Variants in STXBP5L observed in about 807,000 individuals in gnomAD.
STXBP5L encodes the protein syntaxin-binding protein 5-like.
A neutral mutation model predicts 144.5 loss-of-function variants in STXBP5L; 65 were observed. The observed-to-expected ratio is 0.45, with a 90% confidence interval of 0.37 to 0.55. The LOEUF (loss-of-function observed/expected upper bound fraction) is 0.55, where lower values mean the gene tolerates loss of function less well. Among genes scored for constraint, STXBP5L ranks in the 20% least tolerant of loss-of-function variants. The probability of loss-of-function intolerance (pLI) is 0.00; values close to 1 mark genes in which losing one functional copy is unlikely to be tolerated. For synonymous variants in STXBP5L, 505 were observed against 469.6 expected (o/e 1.08, Z -0.97); for missense variants, 1,298 against 1,405.5 (o/e 0.92, Z 1.22).
intron 3 of STXBP5L, among the ~76,000 whole-genome samples, chr3:121,040,901 A>C (rs910878867): frequency 6.6e-6 from 1 of 152,122 alleles, no homozygotes; most frequent in Non-Finnish European, 1.5e-5. Context: ...TATGTGGTGA[A>C]TAAATCTGGC....
At chr3:121,026,045 T>C (rs911003449) in intron 3 of STXBP5L, among the ~76,000 whole-genome samples, 3 of 147,344 alleles carry the variant, frequency 2.0e-5, no homozygotes, top group South Asian at 4.2e-4. Flanking sequence ...TATATATAAT[T>C]ATAATTAAAT....
Position 121,306,553 on chromosome 3 carries a change from C to T in STXBP5L, c.2111-11922C>T, listed in dbSNP as rs553545474. Among the ~76,000 whole-genome samples, 209 of 152,244 alleles carry T rather than the reference C, an allele frequency of 1.4e-3. 3 individuals are homozygous for T. The highest frequency in any genetic ancestry group is 0.011 in the Admixed American group (175 of 15,290). On this transcript the variant is annotated intron_variant, in intron 19 of 26. Transcript: ENST00000471454. ...AAAGGTTTTGCCCAGGAAAGAAATG[C>T]GGTCTACGTGAATAGAGAGCTTCAA...
At chr3:121,005,999 G>A (rs1037557867) in intron 3 of STXBP5L, among the ~76,000 whole-genome samples, 3 of 152,154 alleles carry the variant, frequency 2.0e-5, no homozygotes, top group South Asian at 2.1e-4. Flanking sequence ...GAATAGGTAT[G>A]GTGTGGTGCT....
chr3:121,361,025 T>C (rs2045697595), intron 20 of STXBP5L, among the ~76,000 whole-genome samples: 1 of 152,168 alleles, frequency 6.6e-6, no homozygotes, highest in African/African-American at 2.4e-5. Context: ...AAAGTCTTTA[T>C]TAGTTCCGCA....
At chr3:121,237,480 G>GAT (rs1337792107) in intron 12 of STXBP5L, among the ~76,000 whole-genome samples, 1 of 152,178 alleles carries the variant, frequency 6.6e-6, no homozygotes, top group African/African-American at 2.4e-5. Context: ...TGGCCTCAAA[G>GAT]ATTTCTGAAA....
intron 13 of STXBP5L, among the ~76,000 whole-genome samples, chr3:121,240,062 G>C (rs1312331168): frequency 6.6e-6 from 1 of 151,896 alleles, no homozygotes; most frequent in African/African-American, 2.4e-5. Flanking sequence ...TATTCTCCCA[G>C]GGCTCTTGGG....
At chr3:121,365,381 A>C (rs2045834169) in intron 20 of STXBP5L, among the ~76,000 whole-genome samples, 1 of 149,520 alleles carries the variant, frequency 6.7e-6, no homozygotes, top group Non-Finnish European at 1.5e-5. Context: ...TGAAGCCAAC[A>C]GGTTCAGGGC....
intron 20 of STXBP5L, chr3:121,324,432 A>C (rs772947824): frequency 1.1e-5 from 7 of 616,840 alleles, no homozygotes; most frequent in Non-Finnish European, 2.0e-5. Context: ...AAAGATAAAA[A>C]TTATTGGTTC....
chr3:120,940,085 T>G (rs899766772), intron 2 of STXBP5L, among the ~76,000 whole-genome samples: 3 of 152,176 alleles, frequency 2.0e-5, no homozygotes, highest in African/African-American at 7.2e-5. Flanking sequence ...AATTATTTTC[T>G]ATGACTGCTA....
chr3:120,980,240 T>A (rs768643554), intron 3 of STXBP5L, among the ~76,000 whole-genome samples: 19 of 152,184 alleles, frequency 1.2e-4, no homozygotes, highest in Non-Finnish European at 2.1e-4. Flanking sequence ...TTCTATTTAG[T>A]CTAGAGACCA....
chr3:121,128,789 T>A (rs2044836621), intron 7 of STXBP5L, among the ~76,000 whole-genome samples: 1 of 152,052 alleles, frequency 6.6e-6, no homozygotes, highest in South Asian at 2.1e-4. Flanking sequence ...GTAGTTTAAT[T>A]TTTGACAGTC....
intron 12 of STXBP5L, among the ~76,000 whole-genome samples, chr3:121,237,503 A>G (rs1235134362): frequency 6.6e-6 from 1 of 152,126 alleles, no homozygotes; most frequent in African/African-American, 2.4e-5. Context: ...CCTTTTGTCC[A>G]TTGTCTTGAC....
chr3:121,352,666 C>A (rs945135046), intron 20 of STXBP5L, among the ~76,000 whole-genome samples: 6 of 151,886 alleles, frequency 4.0e-5, no homozygotes, highest in Admixed American at 3.9e-4. Context: ...AATTGAATAC[C>A]CTTTATTTCT....
intron 3 of STXBP5L, among the ~76,000 whole-genome samples, chr3:121,038,855 G>A (rs553581526): frequency 3.3e-5 from 5 of 151,144 alleles, no homozygotes; most frequent in African/African-American, 1.2e-4. Context: ...CTTTAACCCC[G>A]GTAATGTTCT....
At chr3:120,951,866 T>C (rs1392969397) in intron 2 of STXBP5L, among the ~76,000 whole-genome samples, 2 of 152,052 alleles carry the variant, frequency 1.3e-5, no homozygotes, top group East Asian at 3.9e-4. Flanking sequence ...GTATGTTTAT[T>C]GCGGCACTAT....
At chr3:120,952,181 G>A (rs1711298607) in intron 2 of STXBP5L, among the ~76,000 whole-genome samples, 1 of 151,646 alleles carries the variant, frequency 6.6e-6, no homozygotes, top group South Asian at 2.1e-4. Context: ...GGGAGGGATA[G>A]CATTGGGAGA....
chr3:121,127,035 C>G (rs1433507651), intron 7 of STXBP5L, among the ~76,000 whole-genome samples: 1 of 151,936 alleles, frequency 6.6e-6, no homozygotes, highest in East Asian at 1.9e-4. Context: ...TTGACAGATT[C>G]CAAAGATTAG....
chr3:121,104,753 G>T (rs1001304947), intron 5 of STXBP5L, among the ~76,000 whole-genome samples: 1 of 152,104 alleles, frequency 6.6e-6, no homozygotes, highest in South Asian at 2.1e-4. Context: ...ACTCAAGATG[G>T]ATCAAAGACT....
At chr3:121,100,303 G>C (rs778215308) in intron 5 of STXBP5L, among the ~76,000 whole-genome samples, 2 of 152,060 alleles carry the variant, frequency 1.3e-5, no homozygotes, top group Non-Finnish European at 2.9e-5. Context: ...ACTCACTCTT[G>C]TCTTCTGCAC....
Sources: allele counts gnomAD v4.1 joint callset (sites outside exome capture counted in the v4.1 genomes callset), GRCh38; gene constraint gnomAD v4.1.1; transcripts MANE v1.5; gene names NCBI Gene and HGNC (gene_info 2026-07-23, HGNC 2026-07-21).